Variants in PCDHA10 observed in about 807,000 individuals in gnomAD.
PCDHA10 encodes protocadherin alpha-10.
A neutral mutation model predicts 61.2 loss-of-function variants in PCDHA10; 45 were observed. That is an observed-to-expected ratio of 0.74 (90% CI 0.58 to 0.94). The LOEUF (loss-of-function observed/expected upper bound fraction) is 0.94. PCDHA10 is among the 40% of genes least tolerant of loss of function. The pLI is 0.00. For synonymous variants in PCDHA10, 602 were observed against 548.8 expected, an observed-to-expected ratio of 1.10 and a Z score of -1.35; for missense variants, 1,278 against 1,236.2, an observed-to-expected ratio of 1.03 and a Z score of -0.51.
chr5:140,916,051 G>A (rs2153537424), intron 1 of PCDHA10, among the ~76,000 whole-genome samples: 1 of 152,240 alleles, frequency 6.6e-6, no homozygotes, highest in African/African-American at 2.4e-5. Context: ...ACAGGCAGAG[G>A]TGCCTCTCCC....
At chr5:140,929,592 C>A in intron 1 of PCDHA10, 1 of 424,552 alleles carries the variant, frequency 2.4e-6, no homozygotes, top group Non-Finnish European at 4.2e-6. Flanking sequence ...ACATAAAGGT[C>A]TAAAATTAAA....
intron 1 of PCDHA10, chr5:140,928,746 C>A (rs782813323): frequency 6.2e-7 from 1 of 1,614,130 alleles, no homozygotes. Context: ...TAGGTGAGCT[C>A]CGTACTGCTC....
intron 1 of PCDHA10, chr5:140,871,632 T>G (rs1554165792): frequency 7.2e-7 from 1 of 1,380,660 alleles, no homozygotes; most frequent in Non-Finnish European, 9.6e-7. Context: ...ACAATGTCTG[T>G]TCATAAAATA....
chr5:140,919,660 T>C (rs561238136), intron 1 of PCDHA10, among the ~76,000 whole-genome samples: 1 of 152,360 alleles, frequency 6.6e-6, no homozygotes, highest in African/African-American at 2.4e-5. Flanking sequence ...TTACCATATA[T>C]ATTTTAGCTT....
At chr5:140,896,114 G>A (rs1165904850) in intron 1 of PCDHA10, among the ~76,000 whole-genome samples, 1 of 152,030 alleles carries the variant, frequency 6.6e-6, no homozygotes, top group Non-Finnish European at 1.5e-5. Context: ...CCTGGCCAAT[G>A]TACTGCATTT....
intron 1 of PCDHA10, among the ~76,000 whole-genome samples, chr5:140,955,465 T>C (rs2095187437): frequency 6.6e-6 from 1 of 152,128 alleles, no homozygotes; most frequent in Non-Finnish European, 1.5e-5. Flanking sequence ...TTTTCCTTTT[T>C]GCTTGGCACC....
chr5:140,966,845 C>T, intron 1 of PCDHA10: 2 of 1,570,442 alleles, frequency 1.3e-6, no homozygotes, highest in South Asian at 2.3e-5. Context: ...GCTGCTACTG[C>T]CTCTCCTGCT....
chr5:140,948,602 A>G (rs537329393), intron 1 of PCDHA10, among the ~76,000 whole-genome samples: 2 of 151,590 alleles, frequency 1.3e-5, no homozygotes, highest in Non-Finnish European at 3.0e-5. Context: ...AATTTATCAT[A>G]TTTTTGGCAC....
chr5:140,902,201 T>C (rs1554190261), intron 1 of PCDHA10, among the ~76,000 whole-genome samples: 1 of 145,052 alleles, frequency 6.9e-6, no homozygotes. Flanking sequence ...CTCTCTCTCT[T>C]TCTTTTTTTT....
In PCDHA10 at chr5:141,010,024, T is replaced by A; in HGVS notation, c.*87T>A. 7.6e-6 allele frequency: 12 copies of A among 1,572,358 alleles called. No individual in the cohort carries two copies. Among genetic ancestry groups the A allele is most frequent in the Non-Finnish European group, 1.0e-5 (12 of 1,163,296 alleles). On this transcript the variant is annotated 3_prime_UTR_variant, in exon 4 of 4. Coordinates refer to ENST00000307360, the MANE Select transcript of PCDHA10 (RefSeq NM_018901.4). ...GTAGCAATTCCCTGCTCCTTTTTCC[T>A]ATCTACATGAGCCCTCTTAGAGACC...
intron 1 of PCDHA10, among the ~76,000 whole-genome samples, chr5:140,903,619 A>T (rs1272385465): frequency 1.3e-5 from 2 of 152,226 alleles, no homozygotes; most frequent in African/African-American, 2.4e-5. Flanking sequence ...ATGAATGTGC[A>T]TGCATATGTA....
At chr5:140,883,038 A>G (rs782789489) in intron 1 of PCDHA10, 3 of 1,614,160 alleles carry the variant, frequency 1.9e-6, no homozygotes, top group East Asian at 2.2e-5. Context: ...AACGCCTTCA[A>G]TGGAACATTA....
chr5:140,959,413 T>G (rs1328731924), intron 1 of PCDHA10, among the ~76,000 whole-genome samples: 1 of 152,152 alleles, frequency 6.6e-6, no homozygotes, highest in Admixed American at 6.6e-5. Context: ...TGTTGATTGA[T>G]CTGAGAATTT....
chr5:140,877,634 T>C, intron 1 of PCDHA10: 1 of 1,613,738 alleles, frequency 6.2e-7, no homozygotes, highest in Non-Finnish European at 8.5e-7. Context: ...TACACTGCGC[T>C]GCGTTGCTCA....
In PCDHA10 at chr5:140,856,649, C is replaced by T; in HGVS notation, c.601C>T (p.Arg201Cys). The change falls in exon 1 of 4, where the codon CGT (arginine) becomes TGT (cysteine). Residue 201 changes from arginine to cysteine, a missense_variant. Coordinates refer to ENST00000307360, the MANE Select transcript of PCDHA10 (RefSeq NM_018901.4). ...GCTTGTTCTGCGGAAGCTGCTGGAT[C>T]GTGAAGAAAATCCTCAGCTAAAGTT... ...PVLVLRKLLD[R>C]EENPQLKLLL... 1 of 1,598,072 alleles carries T rather than the reference C, an allele frequency of 6.3e-7. No individual in the cohort carries two copies. The highest frequency in any genetic ancestry group is 1.1e-5 in the South Asian group (1 of 90,542).
chr5:140,902,526 T>C (rs1388582391), intron 1 of PCDHA10, among the ~76,000 whole-genome samples: 1 of 152,140 alleles, frequency 6.6e-6, no homozygotes, highest in African/African-American at 2.4e-5. Flanking sequence ...GTTTTTATTA[T>C]GTTGAGGTAT....
intron 1 of PCDHA10, among the ~76,000 whole-genome samples, chr5:140,957,264 A>G (rs1554222901): frequency 1.3e-5 from 2 of 152,198 alleles, no homozygotes; most frequent in African/African-American, 2.4e-5. Flanking sequence ...ATATGTAAGC[A>G]CTAGTCCCCC....
rs2098422174 is a variant in PCDHA10 at position 141,011,893 on chromosome 5, T to G, written c.*1956T>G. On this transcript the variant is annotated 3_prime_UTR_variant, in exon 4 of 4. Coordinates refer to ENST00000307360, the MANE Select transcript of PCDHA10 (RefSeq NM_018901.4). ...CAATTTAGAAGTTTGATTAATTATATTATCTATTTAGGCATTAATATAAAA... is the reference window on the plus strand; with the variant it reads ...CAATTTAGAAGTTTGATTAATTATAGTATCTATTTAGGCATTAATATAAAA... The G allele has an allele frequency of 6.5e-6, 1 of 153,362 alleles. No individual in the cohort carries two copies. Among genetic ancestry groups the G allele is most frequent in the Admixed American group, 6.5e-5 (1 of 15,272 alleles). 9.5% of individuals were successfully genotyped at this position (153,362 alleles called of 1,614,324 possible). A position where few individuals can be genotyped will look rare whatever the true frequency, so the allele number is the denominator to read the frequency against.
chr5:140,984,878 C>G (rs2097124872), intron 3 of PCDHA10, among the ~76,000 whole-genome samples: 1 of 151,854 alleles, frequency 6.6e-6, no homozygotes, highest in African/African-American at 2.4e-5. Flanking sequence ...ATTGAGTTAC[C>G]ATGAGAACTA....
Sources: gnomAD v4.1 joint callset for allele counts (sites outside exome capture counted in the v4.1 genomes callset) on GRCh38, gnomAD v4.1.1 for gene constraint, MANE v1.5 for transcripts, NCBI Gene and HGNC (gene_info 2026-07-23, HGNC 2026-07-21) for gene names.